The following GRIK1 variants were observed in gnomAD, a reference collection of about 807,000 sequenced individuals.
GRIK1 encodes the protein glutamate ionotropic receptor kainate type subunit 1, also known as glutamate receptor ionotropic, kainate 1.
GRIK1 carries 69 observed loss-of-function variants against 105.7 expected under a neutral mutation model. That is an observed-to-expected ratio of 0.65 (90% confidence interval 0.54 to 0.80). The LOEUF (loss-of-function observed/expected upper bound fraction) is 0.80. Ranked by LOEUF, GRIK1 falls within the 30% of genes least tolerant of loss-of-function variation. GRIK1 has a pLI of 0.00. For synonymous variants in GRIK1, 438 were observed against 431.3 expected (o/e 1.02, Z -0.19); for missense variants, 1,109 against 1,167.3 (o/e 0.95, Z 0.73).
chr21:29,824,614 C>T (rs1056216438), intron 1 of GRIK1, among the ~76,000 whole-genome samples: 1 of 151,838 alleles, frequency 6.6e-6, no homozygotes, highest in African/African-American at 2.4e-5. Context: ...GGAGAAAAAA[C>T]CTTGATGCAG....
intron 1 of GRIK1, among the ~76,000 whole-genome samples, chr21:29,887,188 T>C (rs1339896659): frequency 1.3e-5 from 2 of 152,216 alleles, no homozygotes; most frequent in African/African-American, 2.4e-5. Context: ...TAGAGTGTTA[T>C]GAGTTTTCAG....
chr21:29,813,207 A>G (rs962054375), intron 1 of GRIK1, among the ~76,000 whole-genome samples: 2 of 152,166 alleles, frequency 1.3e-5, no homozygotes, highest in African/African-American at 2.4e-5. Flanking sequence ...TGCTGATCTC[A>G]CAAACCTGAA....
At chr21:29,847,702 C>T (rs1018525843) in intron 1 of GRIK1, among the ~76,000 whole-genome samples, 2 of 152,178 alleles carry the variant, frequency 1.3e-5, no homozygotes, top group African/African-American at 4.8e-5. Context: ...CTCTTTACTA[C>T]ATCAAGTCAA....
intron 1 of GRIK1, among the ~76,000 whole-genome samples, chr21:29,695,438 A>T (rs1209845129): frequency 5.7e-5 from 7 of 123,692 alleles, no homozygotes; most frequent in Non-Finnish European, 8.7e-5. Flanking sequence ...CTATATCAAT[A>T]TCTATCTATC....
chr21:29,729,395 C>A (rs2064553783), intron 1 of GRIK1, among the ~76,000 whole-genome samples: 2 of 152,146 alleles, frequency 1.3e-5, no homozygotes, highest in South Asian at 4.1e-4. Flanking sequence ...CCCCAAAATC[C>A]ACTGCTCAGG....
chr21:29,744,124 A>G (rs2064994546), intron 1 of GRIK1, among the ~76,000 whole-genome samples: 1 of 152,220 alleles, frequency 6.6e-6, no homozygotes, highest in South Asian at 2.1e-4. Flanking sequence ...GTTATAAGTT[A>G]TAAAAATAAA....
chr21:29,685,285 T>C (rs2063467882), intron 3 of GRIK1, among the ~76,000 whole-genome samples: 1 of 152,214 alleles, frequency 6.6e-6, no homozygotes, highest in Admixed American at 6.5e-5. Context: ...TCTTGACTAT[T>C]TTCCCCAATA....
chr21:29,559,231 G>A (rs372690617), intron 15 of GRIK1, among the ~76,000 whole-genome samples: 3 of 152,112 alleles, frequency 2.0e-5, no homozygotes, highest in Non-Finnish European at 2.9e-5. Context: ...TCTATGGCCC[G>A]TTTAACTAAA....
intron 4 of GRIK1, among the ~76,000 whole-genome samples, chr21:29,663,139 C>A (rs985188169): frequency 6.6e-6 from 1 of 152,036 alleles, no homozygotes; most frequent in East Asian, 1.9e-4. Flanking sequence ...GTATTTGAAC[C>A]CAGGTTTGAT....
intron 1 of GRIK1, among the ~76,000 whole-genome samples, chr21:29,697,432 C>T (rs1463939567): frequency 1.3e-5 from 2 of 152,072 alleles, no homozygotes; most frequent in East Asian, 3.8e-4. Flanking sequence ...TCATTATGTG[C>T]TTGGGTAGTG....
chr21:29,630,245 T>A (rs2062235782), intron 7 of GRIK1, among the ~76,000 whole-genome samples: 2 of 152,174 alleles, frequency 1.3e-5, no homozygotes, highest in African/African-American at 4.8e-5. Flanking sequence ...ATGGAGAAAT[T>A]TGACACTATA....
At chr21:29,901,389 A>G (rs2070401553) in intron 1 of GRIK1, among the ~76,000 whole-genome samples, 1 of 152,124 alleles carries the variant, frequency 6.6e-6, no homozygotes, top group Non-Finnish European at 1.5e-5. Context: ...AACAAAATAG[A>G]TGGACTGCTA....
chr21:29,748,256 T>G (rs1165456887), intron 1 of GRIK1: 1 of 152,168 alleles, frequency 6.6e-6, no homozygotes, highest in African/African-American at 2.4e-5. Flanking sequence ...CACCAAAAGT[T>G]TCATCAAAGA....
intron 1 of GRIK1, among the ~76,000 whole-genome samples, chr21:29,827,624 CTT>C (rs1474944115): frequency 2.0e-5 from 3 of 151,920 alleles, no homozygotes; most frequent in African/African-American, 7.3e-5. Flanking sequence ...CGTAAAAAGA[CTT>C]TAATGGATCT....
In GRIK1 at chr21:29,689,242, A is replaced by T. The variant is rs542959214; in HGVS notation, c.544+486T>A. On this transcript the variant is annotated intron_variant, in intron 3 of 17. Transcript: ENST00000327783. ...ATGGAGCAAGCTTTATTAAGCACTC[A>T]TCAATGGGGATTCATAGTCCCTTTC... 2.0e-5 allele frequency among the ~76,000 whole-genome samples: 3 copies of T among 152,326 alleles called. No individual in the cohort carries two copies. The East Asian group carries it at 5.8e-4, about 29-fold the overall frequency.
At chr21:29,740,379 A>G (rs1456518587) in intron 1 of GRIK1, among the ~76,000 whole-genome samples, 1 of 151,996 alleles carries the variant, frequency 6.6e-6, no homozygotes, top group Non-Finnish European at 1.5e-5. Context: ...CACCACACCC[A>G]ACTAATTTTT....
chr21:29,788,105 CAA>C (rs940195803), intron 1 of GRIK1, among the ~76,000 whole-genome samples: 7 of 152,116 alleles, frequency 4.6e-5, no homozygotes, highest in African/African-American at 1.7e-4. Flanking sequence ...AGCAGTAAAT[CAA>C]AGAGACAGTC....
rs1464721035 is a variant in GRIK1, at chr21:29,867,183, C to G, written c.118+72200G>C. Among the ~76,000 whole-genome samples, 8 of 152,242 alleles carry G rather than the reference C, an allele frequency of 5.3e-5. No individual in the cohort carries two copies. The South Asian group carries it at 8.3e-4, about 16-fold the overall frequency. The stretch of plus-strand genomic sequence containing the variant: ...TGTTAGAATTTAGAAGCATTGAAGA[C>G]CACTTAGCTTGCCTCTTAGTGTGGA... On this transcript the variant is annotated intron_variant, in intron 1 of 17. Coordinates refer to ENST00000327783, the MANE Select transcript of GRIK1 (RefSeq NM_001330994.2).
At chr21:29,674,566 T>G (rs1168868660) in intron 3 of GRIK1, among the ~76,000 whole-genome samples, 2 of 152,080 alleles carry the variant, frequency 1.3e-5, no homozygotes, top group African/African-American at 4.8e-5. Context: ...GATTGGATCA[T>G]GAGGGCGGAT....
Sources: allele counts gnomAD v4.1 joint callset (sites outside exome capture counted in the v4.1 genomes callset), GRCh38; gene constraint gnomAD v4.1.1; transcripts MANE v1.5; gene names NCBI Gene and HGNC (gene_info 2026-07-23, HGNC 2026-07-21).